PITPNA: variants seen among roughly 807,000 people sequenced by gnomAD.
PITPNA encodes the protein phosphatidylinositol transfer protein alpha isoform.
In PITPNA, 13 loss-of-function variants were observed where a neutral mutation model predicts 50.3. The observed-to-expected ratio is 0.26, with a 90% CI of 0.17 to 0.41. The LOEUF (loss-of-function observed/expected upper bound fraction) is 0.41. Among genes scored for constraint, PITPNA ranks in the 10% least tolerant of loss-of-function variants. PITPNA has a pLI of 1.00. For missense variants in PITPNA, 207 were observed against 333.4 expected (o/e 0.62, Z 2.95); for synonymous variants, 120 against 119.6 (o/e 1.00, Z -0.02).
intron 1 of PITPNA, chr17:1,559,786 G>A (rs908491352): frequency 4.1e-6 from 4 of 985,228 alleles, no homozygotes; most frequent in Non-Finnish European, 4.8e-6. Context: ...CAGGAAAGTA[G>A]CAGGAAAAAC....
chr17:1,562,397 A>T lies in PITPNA; in HGVS notation c.20+144T>A, dbSNP rs1295336534. The T allele has an allele frequency of 2.4e-5, 7 of 287,870 alleles. No individual in the cohort carries two copies. Among genetic ancestry groups the T allele is most frequent in the African/African-American group, 4.1e-5 (1 of 24,174 alleles). 17.8% of individuals were successfully genotyped at this position (287,870 alleles called of 1,614,324 possible). A position where few individuals can be genotyped will look rare whatever the true frequency, so the allele number is the denominator to read the frequency against. ...GTGCCGCCCGCCCCGGATCCCCTCC[A>T]TCCCCGCTGGGCCCGCCTCAGGCAC... On this transcript the variant is annotated intron_variant, in intron 1 of 11. Transcript: ENST00000313486. The surrounding 1 kb of genome is among the most constrained non-coding windows in gnomAD (Gnocchi z 6.4).
At chr17:1,541,180 T>C (rs1470524738) in intron 6 of PITPNA, among the ~76,000 whole-genome samples, 2 of 152,258 alleles carry the variant, frequency 1.3e-5, no homozygotes, top group African/African-American at 2.4e-5. Context: ...CTTGTATATA[T>C]GTTATTTCAC....
At chr17:1,530,477 G>T (rs2075574588) in intron 10 of PITPNA, among the ~76,000 whole-genome samples, 1 of 152,232 alleles carries the variant, frequency 6.6e-6, no homozygotes, top group South Asian at 2.1e-4. Context: ...CCTCATTCAA[G>T]AATGGTGGGT....
chr17:1,545,524 G>A (rs150320972), intron 4 of PITPNA, among the ~76,000 whole-genome samples: 100 of 152,308 alleles, frequency 6.6e-4, no homozygotes, highest in African/African-American at 2.3e-3. Context: ...CTGAATAGGA[G>A]GTCAGCACCC....
chr17:1,548,406 G>A lies in PITPNA; in HGVS notation c.198-19C>T, dbSNP rs913966495. The A allele has an allele frequency of 6.5e-7, 1 of 1,533,026 alleles. No individual in the cohort carries two copies. The highest frequency in any genetic ancestry group is 8.9e-7 in the Non-Finnish European group (1 of 1,119,510). 95.0% of individuals were successfully genotyped at this position (1,533,026 alleles called of 1,614,324 possible). ...TACTTTGCTATAGCGGGGAAAAAAAGGGGTATAAAGAGAAATGGTAGAGAG... is the reference window on the plus strand; with the variant it reads ...TACTTTGCTATAGCGGGGAAAAAAAAGGGTATAAAGAGAAATGGTAGAGAG... On this transcript the variant is annotated intron_variant, in intron 3 of 11. Coordinates refer to ENST00000313486, the MANE Select transcript of PITPNA (RefSeq NM_006224.4).
intron 10 of PITPNA, among the ~76,000 whole-genome samples, chr17:1,533,658 CA>C (rs2075597353): frequency 6.6e-6 from 1 of 152,164 alleles, no homozygotes; most frequent in Non-Finnish European, 1.5e-5. Flanking sequence ...TCTGATAGCT[CA>C]AAATGACCGT....
intron 10 of PITPNA, among the ~76,000 whole-genome samples, chr17:1,521,871 AC>A (rs1214910336): frequency 7.9e-6 from 1 of 126,508 alleles, no homozygotes; most frequent in African/African-American, 3.0e-5. Flanking sequence ...TGTTTGAAGC[AC>A]CTTTTTTTTT....
intron 10 of PITPNA, among the ~76,000 whole-genome samples, chr17:1,527,893 T>C (rs2075557280): frequency 6.6e-6 from 1 of 152,230 alleles, no homozygotes; most frequent in Admixed American, 6.5e-5. Context: ...GGTGCAGAAA[T>C]GAAGCTGGCT....
At chr17:1,560,175 C>T (rs1167654372) in intron 1 of PITPNA, among the ~76,000 whole-genome samples, 1 of 152,196 alleles carries the variant, frequency 6.6e-6, no homozygotes, top group East Asian at 1.9e-4. Flanking sequence ...TGACGGGATG[C>T]GCTGAGGCTG....
intron 1 of PITPNA, 98 bp from the exon 2 acceptor site, chr17:1,558,657 T>C (rs767857428): frequency 5.6e-4 from 471 of 841,412 alleles, no homozygotes; most frequent in Non-Finnish European, 8.3e-4. Flanking sequence ...CATTCTATTG[T>C]GTAAGACACT....
chr17:1,535,053 C>A, intron 9 of PITPNA, 129 bp downstream of exon 9: 1 of 628,752 alleles, frequency 1.6e-6, no homozygotes. Context: ...TCCACCACCC[C>A]CCACCGCACA....
intron 3 of PITPNA, among the ~76,000 whole-genome samples, chr17:1,551,067 C>T (rs893654532): frequency 1.2e-4 from 17 of 142,744 alleles, no homozygotes; most frequent in African/African-American, 3.9e-4. Flanking sequence ...TATTGCGGGG[C>T]GGAGTCAGCG....
rs369680299 is a variant in PITPNA, at chr17:1,558,948, A to G, written c.21-389T>C. Among the ~76,000 whole-genome samples the G allele has an allele frequency of 5.3e-5, 8 of 152,072 alleles. No individual in the cohort carries two copies. In the South Asian group the frequency reaches 1.5e-3, roughly 28 times the overall value. On this transcript the variant is annotated intron_variant, in intron 1 of 11. Transcript: ENST00000313486. ...ACTGGACATATGGATGATAAACTTCACCCAAACTTGCCAATGAGTCGTCCC... is the reference window on the plus strand; with the variant it reads ...ACTGGACATATGGATGATAAACTTCGCCCAAACTTGCCAATGAGTCGTCCC...
intron 5 of PITPNA, among the ~76,000 whole-genome samples, chr17:1,542,376 T>C (rs1434440030): frequency 6.6e-6 from 1 of 152,336 alleles, no homozygotes; most frequent in East Asian, 1.9e-4. Context: ...CCAACTAGCC[T>C]GTGGCTAAGG....
chr17:1,531,056 A>T (rs1401147581), intron 10 of PITPNA, among the ~76,000 whole-genome samples: 1 of 152,122 alleles, frequency 6.6e-6, no homozygotes, highest in African/African-American at 2.4e-5. Context: ...TTCACAGCAA[A>T]AGCCAGGAGG....
chr17:1,519,367 A>C lies in PITPNA; in HGVS notation c.*1194T>G, dbSNP rs2098887565. On this transcript the variant is annotated 3_prime_UTR_variant, in exon 12 of 12. Coordinates refer to ENST00000313486, the MANE Select transcript of PITPNA (RefSeq NM_006224.4). ...TTGCAGGAAGCTATGAACACTGGGC[A>C]GCGTCTGTTCCCCTGGAGCCTGGAC... 6.6e-6 allele frequency: 1 copy of C among 152,268 alleles called. No homozygotes were observed. The highest frequency in any genetic ancestry group is 1.5e-5 in the Non-Finnish European group (1 of 68,070). The allele number at this position is 152,268 out of a possible 1,614,324, so 9.4% of individuals were successfully genotyped here. A position where few individuals can be genotyped will look rare whatever the true frequency, so the allele number is the denominator to read the frequency against.
chr17:1,555,380 T>C (rs1477724024), intron 2 of PITPNA, among the ~76,000 whole-genome samples: 1 of 152,090 alleles, frequency 6.6e-6, no homozygotes, highest in East Asian at 1.9e-4. Flanking sequence ...AAGCTACAAG[T>C]GAAGGGCGCT....
chr17:1,559,437 T>A (rs2075756861), intron 1 of PITPNA: 1 of 152,234 alleles, frequency 6.6e-6, no homozygotes. Flanking sequence ...GCATGTGAAA[T>A]GCAGACCAAG....
chr17:1,524,972 G>A (rs2075538814), intron 10 of PITPNA, among the ~76,000 whole-genome samples: 1 of 152,040 alleles, frequency 6.6e-6, no homozygotes, highest in South Asian at 2.1e-4. Context: ...TCCAAATGCT[G>A]TTTATGTTAT....
Sources: allele counts gnomAD v4.1 joint callset (sites outside exome capture counted in the v4.1 genomes callset), GRCh38; gene constraint gnomAD v4.1.1; non-coding constraint Gnocchi (gnomAD v3.1); transcripts MANE v1.5; gene names NCBI Gene and HGNC (gene_info 2026-07-23, HGNC 2026-07-21).